The following LCLAT1 variants were observed in gnomAD, a reference collection of about 807,000 sequenced individuals.
LCLAT1 encodes 1-AGP acyltransferase 8.
In LCLAT1, 11 loss-of-function variants were observed where a neutral mutation model predicts 30.7. The ratio of observed to expected loss-of-function variants is 0.36; its 90% CI spans 0.23 to 0.59. LCLAT1 has a LOEUF of 0.59. Ranked by LOEUF, LCLAT1 falls within the 20% of genes least tolerant of loss-of-function variation. The pLI, the probability that LCLAT1 is intolerant of heterozygous loss-of-function variation, is 0.77. For missense variants in LCLAT1, 402 were observed against 458.6 expected (o/e 0.88, Z 1.13); for synonymous variants, 155 against 151.3 (o/e 1.02, Z -0.18).
chr2:30,510,265 GCTT>G (rs1684877252), intron 1 of LCLAT1, among the ~76,000 whole-genome samples: 1 of 152,110 alleles, frequency 6.6e-6, no homozygotes. Flanking sequence ...TTTTCCAGTA[GCTT>G]CTTTTTAAAA....
intron 1 of LCLAT1, among the ~76,000 whole-genome samples, chr2:30,467,374 A>G (rs113286720): frequency 0.023 from 3,465 of 152,228 alleles, 98 homozygotes; most frequent in African/African-American, 0.078. Context: ...AGTCTTTGCT[A>G]TTGTGAATAG....
intron 1 of LCLAT1, among the ~76,000 whole-genome samples, chr2:30,453,920 C>A (rs947056137): frequency 1.3e-5 from 2 of 152,194 alleles, no homozygotes; most frequent in Non-Finnish European, 2.9e-5. Context: ...TTATTATCCT[C>A]ATTTTACTTA....
intron 1 of LCLAT1, among the ~76,000 whole-genome samples, chr2:30,513,609 A>G (rs1433241328): frequency 6.6e-6 from 1 of 152,178 alleles, no homozygotes; most frequent in East Asian, 1.9e-4. Flanking sequence ...CTCTGTGAAA[A>G]GAAAATATCT....
intron 1 of LCLAT1, among the ~76,000 whole-genome samples, chr2:30,507,501 C>T (rs757519353): frequency 2.6e-5 from 4 of 152,016 alleles, no homozygotes; most frequent in Non-Finnish European, 4.4e-5. Flanking sequence ...CCCCAGTGTC[C>T]CCTCTGTGTG....
chr2:30,486,966 A>G (rs1424289051), intron 1 of LCLAT1, among the ~76,000 whole-genome samples: 1 of 152,234 alleles, frequency 6.6e-6, no homozygotes, highest in Non-Finnish European at 1.5e-5. Context: ...CTACTATAAT[A>G]ACACTACTTT....
intron 5 of LCLAT1, among the ~76,000 whole-genome samples, chr2:30,599,859 T>TTGTC (rs1667099187): frequency 6.6e-6 from 1 of 152,232 alleles, no homozygotes; most frequent in East Asian, 1.9e-4. Flanking sequence ...GAGATGGGTC[T>TTGTC]TGTCTTTTTA....
At chr2:30,549,872 G>C (rs1330885046) in intron 3 of LCLAT1, among the ~76,000 whole-genome samples, 2 of 152,088 alleles carry the variant, frequency 1.3e-5, no homozygotes, top group Non-Finnish European at 2.9e-5. Flanking sequence ...TTTTCCTTAT[G>C]CTTGAAGTCA....
intron 5 of LCLAT1, among the ~76,000 whole-genome samples, chr2:30,621,922 G>A (rs905753510): frequency 2.0e-5 from 3 of 152,210 alleles, no homozygotes; most frequent in Non-Finnish European, 2.9e-5. Context: ...TGAAGATGGT[G>A]AACAGGGAGT....
chr2:30,519,025 C>G (rs1389375094), intron 1 of LCLAT1, among the ~76,000 whole-genome samples: 1 of 152,198 alleles, frequency 6.6e-6, no homozygotes, highest in African/African-American at 2.4e-5. Context: ...CCTGTGGCTA[C>G]AAGGTTTCCA....
intron 5 of LCLAT1, among the ~76,000 whole-genome samples, chr2:30,627,844 ACTTT>A (rs1668587316): frequency 3.0e-5 from 2 of 66,234 alleles, no homozygotes; most frequent in Admixed American, 2.8e-4. Flanking sequence ...GAAGTTAACT[ACTTT>A]AATATGATTT....
chr2:30,609,379 A>G (rs1298867634), intron 5 of LCLAT1, among the ~76,000 whole-genome samples: 1 of 152,076 alleles, frequency 6.6e-6, no homozygotes, highest in Non-Finnish European at 1.5e-5. Context: ...AGCTTTATCC[A>G]TCTGGAGTCC....
intron 5 of LCLAT1, among the ~76,000 whole-genome samples, chr2:30,629,885 A>T (rs2148526663): frequency 6.6e-6 from 1 of 152,318 alleles, no homozygotes; most frequent in South Asian, 2.1e-4. Context: ...CGATGGAAAG[A>T]TGCACGAAAA....
chr2:30,634,957 G>C (rs111996869), intron 5 of LCLAT1, among the ~76,000 whole-genome samples: 1 of 152,222 alleles, frequency 6.6e-6, no homozygotes, highest in African/African-American at 2.4e-5. Flanking sequence ...CTGTGCCAGA[G>C]GCCATGGTGC....
At chr2:30,521,873 C>T (rs942397768) in intron 1 of LCLAT1, among the ~76,000 whole-genome samples, 16 of 152,208 alleles carry the variant, frequency 1.1e-4, no homozygotes, top group Middle Eastern at 3.4e-3. Context: ...CTTTGCCAAC[C>T]GCTGATCTGT....
intron 3 of LCLAT1, among the ~76,000 whole-genome samples, chr2:30,539,248 CTT>C (rs72012748): frequency 0.47 from 42,969 of 90,486 alleles, 10,043 homozygotes; most frequent in Middle Eastern, 0.57. Flanking sequence ...CGCGCCAGGC[CTT>C]TTTTTTTTTT....
chr2:30,631,151 C>A (rs1046829590), intron 5 of LCLAT1, among the ~76,000 whole-genome samples: 8 of 152,206 alleles, frequency 5.3e-5, no homozygotes, highest in African/African-American at 1.9e-4. Context: ...TGGCACCCAG[C>A]CATCTGAGCT....
intron 5 of LCLAT1, among the ~76,000 whole-genome samples, chr2:30,588,847 A>G (rs1237138106): frequency 2.6e-5 from 4 of 152,092 alleles, no homozygotes; most frequent in Non-Finnish European, 4.4e-5. Context: ...TGATCCACCC[A>G]TCTCGGCCTC....
intron 1 of LCLAT1, among the ~76,000 whole-genome samples, chr2:30,451,988 A>G (rs963017554): frequency 6.6e-6 from 1 of 152,250 alleles, no homozygotes; most frequent in Admixed American, 6.5e-5. Flanking sequence ...AAGATTGTAC[A>G]CTGCATGATT....
At chr2:30,511,508 A>G (rs1009132231) in intron 1 of LCLAT1, among the ~76,000 whole-genome samples, 1 of 152,238 alleles carries the variant, frequency 6.6e-6, no homozygotes, top group Non-Finnish European at 1.5e-5. Context: ...CAATAGCTAC[A>G]TGTAGCTAAT....
Sources: gnomAD v4.1 joint callset for allele counts (sites outside exome capture counted in the v4.1 genomes callset) on GRCh38, gnomAD v4.1.1 for gene constraint, MANE v1.5 for transcripts, NCBI Gene and HGNC (gene_info 2026-07-23, HGNC 2026-07-21) for gene names.